The following VARS1 variants were observed in gnomAD, a reference collection of about 807,000 sequenced individuals.
VARS1 encodes the protein valine--tRNA ligase.
In VARS1, 92 loss-of-function variants were observed where a neutral mutation model predicts 161.0. The observed-to-expected ratio is 0.57, with a 90% CI of 0.48 to 0.68. The LOEUF (loss-of-function observed/expected upper bound fraction) is 0.68, where lower values mean the gene tolerates loss of function less well. Ranked by LOEUF, VARS1 falls within the 30% of genes least tolerant of loss-of-function variation. The probability of loss-of-function intolerance (pLI) is 0.00; values close to 1 mark genes in which losing one functional copy is unlikely to be tolerated. For synonymous variants in VARS1, 595 were observed against 682.5 expected, an observed-to-expected ratio of 0.87 and a Z score of 2.00; for missense variants, 1,338 against 1,695.9, an observed-to-expected ratio of 0.79 and a Z score of 3.71.
Position 31,784,862 on chromosome 6 carries a change from T to C in VARS1, c.1348-148A>G. 8.3e-7 allele frequency: 1 copy of C among 1,210,030 alleles called. No homozygotes were observed. Among genetic ancestry groups the C allele is most frequent in the Non-Finnish European group, 1.1e-6 (1 of 876,562 alleles). 75.0% of individuals were successfully genotyped at this position (1,210,030 alleles called of 1,614,324 possible). On this transcript the variant is annotated intron_variant, in intron 10 of 29. Coordinates refer to ENST00000375663, the MANE Select transcript of VARS1 (RefSeq NM_006295.3). The surrounding 1 kb of genome is among the most constrained non-coding windows in gnomAD (Gnocchi z 6.1). ...TGAGGGGAGTACTTTCCTTCTTTCC[T>C]TGAGGGGGAGAGAGGACTAAGGGAA...
In VARS1 at chr6:31,780,198, C is replaced by T. The variant is rs1467095468; in HGVS notation, c.2926-45G>A. On this transcript the variant is annotated intron_variant, in intron 25 of 29. Transcript: ENST00000375663. The surrounding 1 kb of genome is among the most constrained non-coding windows in gnomAD (Gnocchi z 5.1). ...TCAGCCGGCGGGCCAGGGGAGGGTGCCAGAACCCCATGGGGGCAGGAGTCA... is the reference window on the plus strand; with the variant it reads ...TCAGCCGGCGGGCCAGGGGAGGGTGTCAGAACCCCATGGGGGCAGGAGTCA... 13 of 1,606,466 alleles carry T rather than the reference C, an allele frequency of 8.1e-6. No individual in the cohort carries two copies. Among genetic ancestry groups the T allele is most frequent in the Non-Finnish European group, 1.1e-5 (13 of 1,178,436 alleles).
intron 13 of VARS1, among the ~76,000 whole-genome samples, chr6:31,783,702 C>T (rs1813310273): frequency 6.7e-6 from 1 of 149,142 alleles, no homozygotes; most frequent in Non-Finnish European, 1.5e-5. Flanking sequence ...CGCTCTGTCA[C>T]CAAGGCTGGA....
intron 8 of VARS1, among the ~76,000 whole-genome samples, chr6:31,788,539 G>A (rs559093615): frequency 6.6e-6 from 1 of 150,996 alleles, no homozygotes; most frequent in Admixed American, 6.6e-5. Flanking sequence ...AGGCGCGGTG[G>A]GTCACGCCTG....
Position 31,794,943 on chromosome 6 carries a change from G to C in VARS1, c.275C>G (p.Ala92Gly), listed in dbSNP as rs144102783. 24 of 1,612,742 alleles carry C rather than the reference G, an allele frequency of 1.5e-5. No homozygotes were observed. In the African/African-American group the frequency reaches 3.2e-4, roughly 21 times the overall value. Residue 92 changes from alanine (A) to glycine (G), a missense_variant, in exon 2 of 30, where the codon GCG becomes GGG. This residue lies in a region of VARS1 where 902 missense variants were observed against 1,090.3 expected (regional missense o/e 0.83). Coordinates refer to ENST00000375663, the MANE Select transcript of VARS1 (RefSeq NM_006295.3). ...GACCCACTGTTGGACAAGGACAGCCGCCCGGCTGCCCCCTGGGCCCCCCAG... is the reference window on the plus strand; with the variant it reads ...GACCCACTGTTGGACAAGGACAGCCCCCCGGCTGCCCCCTGGGCCCCCCAG... ...AGLGGPGGSR[A>G]AVLVQQWVSY...
intron 8 of VARS1, among the ~76,000 whole-genome samples, chr6:31,787,119 T>C (rs1473834411): frequency 6.6e-6 from 1 of 151,530 alleles, no homozygotes; most frequent in African/African-American, 2.4e-5. Flanking sequence ...CCCAGCTACT[T>C]GGGTGGCTGA....
Position 31,780,762 on chromosome 6 carries a change from T to C in VARS1, c.2740A>G (p.Ile914Val), listed in dbSNP as rs202052942. ...AGAGCATCGGTGCCACATTCAGGAA[T>C]CCCCGCTGGGAAGTCAGCTTTCTAC... ...EGQKADFPAG[I>V]PECGTDALRF... Residue 914 changes from isoleucine (I) to valine (V), a missense_variant, in exon 24 of 30, where the codon ATT becomes GTT. This residue lies in a region of VARS1 where 433 missense variants were observed against 586.2 expected (regional missense o/e 0.74). Coordinates refer to ENST00000375663, the MANE Select transcript of VARS1 (RefSeq NM_006295.3). The surrounding 1 kb of genome is among the most constrained non-coding windows in gnomAD (Gnocchi z 5.1). 8 of 1,614,112 alleles carry C rather than the reference T, an allele frequency of 5.0e-6. No homozygotes were observed. In the East Asian group the frequency reaches 8.9e-5, roughly 18 times the overall value.
rs778213302 is a variant in VARS1, at chr6:31,780,419, T to C, written c.2925+22A>G. The C allele has an allele frequency of 1.3e-5, 21 of 1,606,340 alleles. No homozygotes were observed. The African/African-American group carries it at 2.8e-4, about 21-fold the overall frequency. On this transcript the variant is annotated intron_variant, in intron 25 of 29. Coordinates refer to ENST00000375663, the MANE Select transcript of VARS1 (RefSeq NM_006295.3). This position sits in a 1 kb window ranked among gnomAD's most constrained non-coding sequence, Gnocchi z 5.1. ...ACAGCCTGTGTGAGTGCTGCCAGCT[T>C]TGCTGCCCACCAGGCCCTTACCTGG...
At chr6:31,792,948 G>A in intron 3 of VARS1, 38 bp downstream of exon 3, 2 of 1,614,174 alleles carry the variant, frequency 1.2e-6, no homozygotes, top group Non-Finnish European at 1.7e-6. Flanking sequence ...GAGGTCTGAG[G>A]AGAGCAGTCT....
chr6:31,790,170 G>A (rs1221888727), intron 8 of VARS1, among the ~76,000 whole-genome samples: 1 of 152,020 alleles, frequency 6.6e-6, no homozygotes, highest in Non-Finnish European at 1.5e-5. Context: ...GTGTTAGGCT[G>A]CATTCAAAGC....
In VARS1 at chr6:31,780,358, C is replaced by A; in HGVS notation, c.2925+83G>T. ...ACTGTCTGTCTCTGTGTCTATCTGT[C>A]CCCCCAGCTACATGGAGGCTGCTCC... On this transcript the variant is annotated intron_variant, in intron 25 of 29. Coordinates refer to ENST00000375663, the MANE Select transcript of VARS1 (RefSeq NM_006295.3). This position sits in a 1 kb window ranked among gnomAD's most constrained non-coding sequence, Gnocchi z 5.1. 1 of 1,557,618 alleles carries A rather than the reference C, an allele frequency of 6.4e-7. No individual in the cohort carries two copies. Among genetic ancestry groups the A allele is most frequent in the Non-Finnish European group, 8.7e-7 (1 of 1,151,498 alleles).
chr6:31,793,018 C>T lies in VARS1; in HGVS notation c.490G>A (p.Ala164Thr). The change falls in exon 3 of 30, where the codon GCT (alanine) becomes ACT (threonine). Residue 164 changes from alanine to threonine, a missense_variant. By Grantham distance (58) the Ala-to-Thr change is moderately conservative (BLOSUM62 0). This residue lies in a region of VARS1 where 902 missense variants were observed against 1,090.3 expected (regional missense o/e 0.83). Coordinates refer to ENST00000375663, the MANE Select transcript of VARS1 (RefSeq NM_006295.3). ...GEAPTLADLA[A>T]VTALLLPFRY... ...AAAGGCAGCAGCAAGGCTGTGACAG[C>T]CGCCAGGTCAGCCAGAGTGGGGGCC... is the stretch of plus-strand genomic sequence containing the variant. 1 of 1,613,280 alleles carries T rather than the reference C, an allele frequency of 6.2e-7. No homozygotes were observed. Among genetic ancestry groups the T allele is most frequent in the Non-Finnish European group, 8.5e-7 (1 of 1,180,042 alleles).
Position 31,779,598 on chromosome 6 carries a change from C to T in VARS1, c.3288+10G>A. 1 of 1,611,840 alleles carries T rather than the reference C, an allele frequency of 6.2e-7. No homozygotes were observed. The highest frequency in any genetic ancestry group is 1.7e-5 in the Admixed American group (1 of 60,004). ...GCAGGTCAGACTCCCCTCTCCAGGC[C>T]ATGCCATACCTCTGAGGGCTCCGGG... On this transcript the variant is annotated intron_variant, in intron 27 of 29. Coordinates refer to ENST00000375663, the MANE Select transcript of VARS1 (RefSeq NM_006295.3). The surrounding 1 kb of genome is among the most constrained non-coding windows in gnomAD (Gnocchi z 9.1).
At chr6:31,788,084 C>T (rs1216562282) in intron 8 of VARS1, among the ~76,000 whole-genome samples, 1 of 151,076 alleles carries the variant, frequency 6.6e-6, no homozygotes, top group Non-Finnish European at 1.5e-5. Flanking sequence ...TGCGCCACTG[C>T]ACTCCAGCCT....
At chr6:31,790,605 A>C (rs1278750161) in intron 8 of VARS1, among the ~76,000 whole-genome samples, 2 of 113,278 alleles carry the variant, frequency 1.8e-5, no homozygotes, top group Admixed American at 1.7e-4. Context: ...TCTGTCTCAA[A>C]AAAAAAAAAA....
rs1464887288 is a variant in VARS1, at chr6:31,782,855, C to T, written c.1763-10G>A. ...GTGATCTTCACAGCACCTGGGTGTA[C>T]ATCAGGATGCCCAGGTCATGAGGGA... On this transcript the variant is annotated splice_polypyrimidine_tract_variant and intron_variant, in intron 14 of 29. Transcript: ENST00000375663. This position sits in a 1 kb window ranked among gnomAD's most constrained non-coding sequence, Gnocchi z 8.3. The T allele has an allele frequency of 2.5e-6, 4 of 1,607,118 alleles. No homozygotes were observed. The highest frequency in any genetic ancestry group is 3.4e-6 in the Non-Finnish European group (4 of 1,177,056).
Position 31,795,457 on chromosome 6 carries a change from C to A in VARS1, c.-34+89G>T. The A allele has an allele frequency of 2.6e-6, 1 of 390,042 alleles. No individual in the cohort carries two copies. Among genetic ancestry groups the A allele is most frequent in the Non-Finnish European group, 4.5e-6 (1 of 221,498 alleles). 24.2% of individuals were successfully genotyped at this position (390,042 alleles called of 1,614,324 possible). On this transcript the variant is annotated intron_variant, in intron 1 of 29. Coordinates refer to ENST00000375663, the MANE Select transcript of VARS1 (RefSeq NM_006295.3). The surrounding 1 kb of genome is among the most constrained non-coding windows in gnomAD (Gnocchi z 6.9). ...GGAGTTCCTGGGGAAGAGGAACTAT[C>A]CACCATCGCGGGGCTTCGGGGAGTG...
In VARS1 at chr6:31,782,228, C is replaced by A. The variant is rs565538618; in HGVS notation, c.2151-51G>T. Reference sequence around the variant, plus strand: ...AGGGAGGGCCTGATGGAGCCTGGCCCGAGTGAGCCCTGCTCAGCCCTCGGC... The same window carrying A: ...AGGGAGGGCCTGATGGAGCCTGGCCAGAGTGAGCCCTGCTCAGCCCTCGGC... On this transcript the variant is annotated intron_variant, in intron 17 of 29. Coordinates refer to ENST00000375663, the MANE Select transcript of VARS1 (RefSeq NM_006295.3). This position sits in a 1 kb window ranked among gnomAD's most constrained non-coding sequence, Gnocchi z 8.3. 1.2e-6 allele frequency: 2 copies of A among 1,611,128 alleles called. No individual in the cohort carries two copies. The highest frequency in any genetic ancestry group is 1.7e-6 in the Non-Finnish European group (2 of 1,178,496).
rs568919831 is a variant in VARS1 at position 31,791,454 on chromosome 6, A to G, written c.1100+156T>C. 6.6e-5 allele frequency among the ~76,000 whole-genome samples: 10 copies of G among 152,324 alleles called. No individual in the cohort carries two copies. Among genetic ancestry groups the G allele is most frequent in the Non-Finnish European group, 7.4e-5 (5 of 68,024 alleles). ...GAGTACTGGACTAGGAGAGGAAGCT[A>G]AATGATCAGATTGGAATGACAGAGA... is the stretch of plus-strand genomic sequence containing the variant. On this transcript the variant is annotated intron_variant, in intron 8 of 29. Coordinates refer to ENST00000375663, the MANE Select transcript of VARS1 (RefSeq NM_006295.3). This position sits in a 1 kb window ranked among gnomAD's most constrained non-coding sequence, Gnocchi z 5.0.
chr6:31,781,425 C>T lies in VARS1; in HGVS notation c.2544+56G>A. 6.3e-7 allele frequency: 1 copy of T among 1,596,928 alleles called. No homozygotes were observed. Among genetic ancestry groups the T allele is most frequent in the Non-Finnish European group, 8.5e-7 (1 of 1,174,244 alleles). ...GCCACGCGGGGTCTGCGCTGCAGCA[C>T]AGGACGGTAGGAGAGGAGGCTGGGG... On this transcript the variant is annotated intron_variant, in intron 21 of 29. Coordinates refer to ENST00000375663, the MANE Select transcript of VARS1 (RefSeq NM_006295.3). This position sits in a 1 kb window ranked among gnomAD's most constrained non-coding sequence, Gnocchi z 6.8.
Sources: allele counts gnomAD v4.1 joint callset (sites outside exome capture counted in the v4.1 genomes callset), GRCh38; gene constraint gnomAD v4.1.1; regional missense constraint gnomAD v4.1.1; non-coding constraint Gnocchi (gnomAD v3.1); transcripts MANE v1.5; gene names NCBI Gene and HGNC (gene_info 2026-07-23, HGNC 2026-07-21).